The following DAB1 variants were observed in gnomAD, a reference collection of about 807,000 sequenced individuals.
DAB1 encodes the protein DAB adaptor protein 1.
In DAB1, 15 loss-of-function variants were observed where a neutral mutation model predicts 64.6. That is an observed-to-expected ratio of 0.23 (90% confidence interval 0.16 to 0.36). The LOEUF (loss-of-function observed/expected upper bound fraction) is 0.36. DAB1 is among the 10% of genes least tolerant of loss of function. DAB1 has a pLI of 1.00. For synonymous variants in DAB1, 235 were observed against 251.9 expected, an observed-to-expected ratio of 0.93 and a Z score of 0.64; for missense variants, 596 against 706.7, an observed-to-expected ratio of 0.84 and a Z score of 1.78.
chr1:57,767,718 C>A (rs1450583412), intron 6 of DAB1, among the ~76,000 whole-genome samples: 2 of 152,150 alleles, frequency 1.3e-5, no homozygotes, highest in Non-Finnish European at 2.9e-5. Context: ...CACCTACAAC[C>A]AAGCTCAGGG....
chr1:57,807,979 G>T (rs112537629), intron 6 of DAB1, among the ~76,000 whole-genome samples: 1 of 152,092 alleles, frequency 6.6e-6, no homozygotes, highest in Non-Finnish European at 1.5e-5. Flanking sequence ...CTCAAAAGAT[G>T]TGTTTGTTAT....
chr1:57,053,408 C>T lies in DAB1; in HGVS notation c.723+9476G>A, dbSNP rs543104592. On this transcript the variant is annotated intron_variant, in intron 9 of 14. Transcript: ENST00000371236. Reference sequence around the variant, plus strand: ...GACTACAGGCATGTATTACCATGCCCGGCTAATTGTTTTATTTTTTGTAGA... The same window carrying T: ...GACTACAGGCATGTATTACCATGCCTGGCTAATTGTTTTATTTTTTGTAGA... 3.8e-4 allele frequency among the ~76,000 whole-genome samples: 58 copies of T among 151,782 alleles called. 2 individuals are homozygous for T. The South Asian group carries it at 0.011, about 29-fold the overall frequency.
chr1:57,755,169 C>T (rs1648746998), intron 6 of DAB1, among the ~76,000 whole-genome samples: 1 of 151,902 alleles, frequency 6.6e-6, no homozygotes, highest in Admixed American at 6.6e-5. Context: ...CTTTTCTTGG[C>T]CGTTTCCTGT....
At chr1:58,472,288 T>C (rs1176880372) in intron 3 of DAB1, among the ~76,000 whole-genome samples, 1 of 152,246 alleles carries the variant, frequency 6.6e-6, no homozygotes, top group East Asian at 1.9e-4. Flanking sequence ...ACTGTTAGCC[T>C]CAGTCCTGAA....
intron 2 of DAB1, among the ~76,000 whole-genome samples, chr1:57,212,172 T>C (rs1001908024): frequency 2.0e-5 from 3 of 152,032 alleles, no homozygotes; most frequent in African/African-American, 4.8e-5. Context: ...TATCTGGCCA[T>C]GAAGTCACAG....
intron 6 of DAB1, among the ~76,000 whole-genome samples, chr1:57,687,599 C>CAAAAAAACAAAAAAA (rs1646714027): frequency 1.2e-5 from 1 of 82,438 alleles, no homozygotes; most frequent in African/African-American, 4.4e-5. Context: ...TCTTAAGAAA[C>CAAAAAAACAAAAAAA]AAAAAAAAAA....
At chr1:58,366,925 A>G (rs538963342) in intron 3 of DAB1, among the ~76,000 whole-genome samples, 1 of 152,382 alleles carries the variant, frequency 6.6e-6, no homozygotes, top group South Asian at 2.1e-4. Flanking sequence ...TTAATTGGTC[A>G]TAAGACACAG....
chr1:57,270,494 C>T (rs1670909638), intron 2 of DAB1, among the ~76,000 whole-genome samples: 1 of 152,212 alleles, frequency 6.6e-6, no homozygotes, highest in Admixed American at 6.5e-5. Context: ...GGTCTTTCTT[C>T]CCTATCACAG....
chr1:57,599,692 G>A (rs925743511), intron 7 of DAB1, among the ~76,000 whole-genome samples: 14 of 152,098 alleles, frequency 9.2e-5, no homozygotes, highest in Non-Finnish European at 1.8e-4. Flanking sequence ...GGCATTTCAA[G>A]GGTTTTAAGC....
intron 7 of DAB1, among the ~76,000 whole-genome samples, chr1:57,577,142 TG>T (rs1157227608): frequency 6.6e-6 from 1 of 152,176 alleles, no homozygotes; most frequent in East Asian, 1.9e-4. Flanking sequence ...GGGCTTCTGA[TG>T]GGGGACACTT....
chr1:57,067,332 C>G (rs1173956429), intron 8 of DAB1, among the ~76,000 whole-genome samples: 2 of 152,028 alleles, frequency 1.3e-5, no homozygotes, highest in Admixed American at 1.3e-4. Context: ...TGAGAGCAGC[C>G]TTAGGATTTA....
chr1:57,199,110 A>G (rs197615), intron 2 of DAB1, among the ~76,000 whole-genome samples: 83,882 of 152,020 alleles, frequency 0.55, 24,313 homozygotes, highest in African/African-American at 0.74. Flanking sequence ...GAAAAGACTC[A>G]CGTCACAGCA....
At chr1:58,214,920 G>A (rs1658761543) in intron 4 of DAB1, among the ~76,000 whole-genome samples, 1 of 152,046 alleles carries the variant, frequency 6.6e-6, no homozygotes, top group Non-Finnish European at 1.5e-5. Context: ...ATCGCATGAG[G>A]TAAAAAGTCA....
chr1:57,674,014 A>G (rs542580640), intron 6 of DAB1, among the ~76,000 whole-genome samples: 3 of 152,282 alleles, frequency 2.0e-5, no homozygotes, highest in South Asian at 4.1e-4. Flanking sequence ...GACATTTACC[A>G]TTAGGAACTG....
intron 3 of DAB1, among the ~76,000 whole-genome samples, chr1:58,433,592 A>AGTGTGT (rs1266210842): frequency 4.0e-4 from 40 of 100,808 alleles, no homozygotes; most frequent in African/African-American, 5.1e-4. Flanking sequence ...AGAGAGAGAG[A>AGTGTGT]GAGAGTGTGT....
At chr1:58,489,390 G>A (rs564401250) in intron 3 of DAB1, among the ~76,000 whole-genome samples, 3 of 152,344 alleles carry the variant, frequency 2.0e-5, no homozygotes, top group African/African-American at 7.2e-5. Context: ...CAGCGAGGCT[G>A]GGGGAGGGGT....
chr1:57,502,825 AAT>A (rs1483861184), intron 7 of DAB1, among the ~76,000 whole-genome samples: 1 of 152,200 alleles, frequency 6.6e-6, no homozygotes, highest in African/African-American at 2.4e-5. Flanking sequence ...GGAATGCTGA[AAT>A]TTACCCTTAA....
chr1:57,923,951 T>C (rs1230007389), intron 5 of DAB1, among the ~76,000 whole-genome samples: 3 of 152,182 alleles, frequency 2.0e-5, no homozygotes, highest in Non-Finnish European at 4.4e-5. Context: ...GAAACACTTA[T>C]AACAGACAAA....
intron 5 of DAB1, among the ~76,000 whole-genome samples, chr1:58,046,176 T>C (rs780627436): frequency 9.9e-5 from 15 of 152,202 alleles, no homozygotes; most frequent in Non-Finnish European, 1.2e-4. Flanking sequence ...AAGTTTTGGT[T>C]TCTTCTGTTA....
Sources: allele counts gnomAD v4.1 joint callset (sites outside exome capture counted in the v4.1 genomes callset), GRCh38; gene constraint gnomAD v4.1.1; transcripts MANE v1.5; gene names NCBI Gene and HGNC (gene_info 2026-07-23, HGNC 2026-07-21).